The following OSBPL6 variants were observed in gnomAD, a reference collection of about 807,000 sequenced individuals.
OSBPL6 encodes the protein oxysterol binding protein like 6.
OSBPL6 carries 49 observed loss-of-function variants against 125.8 expected under a neutral mutation model. The observed-to-expected ratio is 0.39, with a 90% CI of 0.31 to 0.49. The LOEUF is 0.49. Ranked by LOEUF, OSBPL6 falls within the 20% of genes least tolerant of loss-of-function variation. The pLI, the probability that OSBPL6 is intolerant of heterozygous loss-of-function variation, is 0.88. For missense variants in OSBPL6, 986 were observed against 1,135.4 expected (o/e 0.87, Z 1.89); for synonymous variants, 394 against 391.8 (o/e 1.01, Z -0.07).
intron 3 of OSBPL6, among the ~76,000 whole-genome samples, chr2:178,308,093 G>A (rs955903286): frequency 6.6e-6 from 1 of 152,182 alleles, no homozygotes; most frequent in Non-Finnish European, 1.5e-5. Context: ...TCTTTAAGGA[G>A]AGAGTTTATT....
intron 1 of OSBPL6, among the ~76,000 whole-genome samples, chr2:178,234,912 A>G (rs2090985189): frequency 6.6e-6 from 1 of 152,126 alleles, no homozygotes; most frequent in South Asian, 2.1e-4. Flanking sequence ...TTTCAGAGAG[A>G]TTGGCCTTGG....
chr2:178,241,371 C>T (rs961310904), intron 1 of OSBPL6, among the ~76,000 whole-genome samples: 7 of 151,068 alleles, frequency 4.6e-5, no homozygotes, highest in African/African-American at 1.7e-4. Context: ...CTCGGCCTCC[C>T]AAAGTGATGG....
At chr2:178,255,303 G>GTC (rs2091844866) in intron 1 of OSBPL6, among the ~76,000 whole-genome samples, 1 of 152,176 alleles carries the variant, frequency 6.6e-6, no homozygotes, top group South Asian at 2.1e-4. Flanking sequence ...GCGAGACTCC[G>GTC]TCTCAAAAAC....
intron 1 of OSBPL6, among the ~76,000 whole-genome samples, chr2:178,223,970 C>T: frequency 6.6e-6 from 1 of 152,344 alleles, no homozygotes; most frequent in Middle Eastern, 3.4e-3. Flanking sequence ...CATCTTAGGA[C>T]AATTTGGATT....
chr2:178,226,935 A>G (rs939237179), intron 1 of OSBPL6, among the ~76,000 whole-genome samples: 5 of 152,218 alleles, frequency 3.3e-5, no homozygotes, highest in Non-Finnish European at 7.3e-5. Context: ...TTGAAATTGT[A>G]TGTTGTGTGA....
At chr2:178,361,485 C>T in intron 12 of OSBPL6, among the ~76,000 whole-genome samples, 197 bp from the exon 13 acceptor site, 1 of 152,128 alleles carries the variant, frequency 6.6e-6, no homozygotes, top group Non-Finnish European at 1.5e-5. Flanking sequence ...TCACTCTGAT[C>T]AATTGCCATT....
intron 1 of OSBPL6, among the ~76,000 whole-genome samples, chr2:178,235,156 T>C (rs1224043976): frequency 2.6e-5 from 4 of 152,120 alleles, no homozygotes; most frequent in African/African-American, 9.7e-5. Flanking sequence ...AGAATATATA[T>C]AACAAAAACC....
chr2:178,301,722 T>A (rs1686308028), intron 2 of OSBPL6, among the ~76,000 whole-genome samples: 1 of 152,080 alleles, frequency 6.6e-6, no homozygotes, highest in Admixed American at 6.6e-5. Context: ...CAATAAAACG[T>A]GAGTGAGCTA....
chr2:178,289,573 T>C (rs1224083348), intron 2 of OSBPL6, among the ~76,000 whole-genome samples: 1 of 152,224 alleles, frequency 6.6e-6, no homozygotes, highest in East Asian at 1.9e-4. Flanking sequence ...GAATGATACT[T>C]CTTTGGTATC....
Position 178,328,642 on chromosome 2 carries a change from C to A in OSBPL6, c.318+264C>A, listed in dbSNP as rs191410194. Reference sequence around the variant, plus strand: ...AGCTAGGACTACAGGTGCATGCCACCATGCCTGACTAATTTTTTTATTTTT... The same window carrying A: ...AGCTAGGACTACAGGTGCATGCCACAATGCCTGACTAATTTTTTTATTTTT... On this transcript the variant is annotated intron_variant, in intron 5 of 24. Coordinates refer to ENST00000190611, the MANE Select transcript of OSBPL6 (RefSeq NM_032523.4). Among the ~76,000 whole-genome samples the A allele has an allele frequency of 1.9e-4, 29 of 152,224 alleles. 1 individual carries two copies. The East Asian group carries it at 5.0e-3, about 26-fold the overall frequency.
chr2:178,255,082 T>C (rs1397617862), intron 1 of OSBPL6, among the ~76,000 whole-genome samples: 1 of 152,154 alleles, frequency 6.6e-6, no homozygotes, highest in Non-Finnish European at 1.5e-5. Flanking sequence ...GGTGGGCAGA[T>C]CACCTGAGGT....
At position 178,389,010 on chromosome 2, in the gene OSBPL6, T is replaced by G; in HGVS notation, c.2158T>G (p.Tyr720Asp). The part of the protein sequence containing the change: ...VGTLNVMLPK[Y>D]GDYYVWNKVT... ...CATCAGTGTTACATTCTTCACTAGG[T>G]ATGGAGATTACTATGTGTGGAATAA... Residue 720 changes from tyrosine to aspartate, a missense_variant and splice_region_variant, in exon 21 of 25, where the codon TAT (tyrosine) becomes GAT (aspartate). This residue lies in a region of OSBPL6 where 843 missense variants were observed against 997.3 expected (regional missense o/e 0.85). Coordinates refer to ENST00000190611, the MANE Select transcript of OSBPL6 (RefSeq NM_032523.4). 2 of 1,613,684 alleles carry G rather than the reference T, an allele frequency of 1.2e-6. No individual in the cohort carries two copies. Among genetic ancestry groups the G allele is most frequent in the Non-Finnish European group, 1.7e-6 (2 of 1,179,886 alleles).
At chr2:178,236,458 GTC>G (rs2091055122) in intron 1 of OSBPL6, among the ~76,000 whole-genome samples, 1 of 152,176 alleles carries the variant, frequency 6.6e-6, no homozygotes. Flanking sequence ...TTTTGGGAGA[GTC>G]TGATGTCAGA....
Position 178,306,306 on chromosome 2 carries a change from T to G in OSBPL6, c.102+20T>G. On this transcript the variant is annotated intron_variant, in intron 3 of 24. Coordinates refer to ENST00000190611, the MANE Select transcript of OSBPL6 (RefSeq NM_032523.4). Reference sequence around the variant, plus strand: ...AGGCAGGTAAGAGAAGAGCATTAAGTGCCTTTGGTTGTTTTATGCAAATGC... The same window carrying G: ...AGGCAGGTAAGAGAAGAGCATTAAGGGCCTTTGGTTGTTTTATGCAAATGC... The G allele has an allele frequency of 1.4e-6, 2 of 1,477,074 alleles. No individual in the cohort carries two copies. The highest frequency in any genetic ancestry group is 1.1e-5 in the South Asian group (1 of 88,166). The allele number at this position is 1,477,074 out of a possible 1,614,324, so 91.5% of individuals were successfully genotyped here.
chr2:178,248,348 G>T (rs1158881401), intron 1 of OSBPL6, among the ~76,000 whole-genome samples: 1 of 152,134 alleles, frequency 6.6e-6, no homozygotes, highest in African/African-American at 2.4e-5. Context: ...TTCAGATTTG[G>T]TTGTGGATAT....
chr2:178,198,992 G>A (rs1384492525), intron 1 of OSBPL6, among the ~76,000 whole-genome samples: 1 of 152,148 alleles, frequency 6.6e-6, no homozygotes, highest in Non-Finnish European at 1.5e-5. Flanking sequence ...TGGGTATATT[G>A]TTGGTGTTTA....
chr2:178,199,217 A>G (rs1574457974), intron 1 of OSBPL6, among the ~76,000 whole-genome samples: 3 of 152,240 alleles, frequency 2.0e-5, no homozygotes, highest in African/African-American at 7.2e-5. Flanking sequence ...TCTTAAATCA[A>G]ATGAGAGCTT....
intron 1 of OSBPL6, among the ~76,000 whole-genome samples, chr2:178,258,995 TG>T (rs1284775222): frequency 6.6e-6 from 1 of 152,198 alleles, no homozygotes; most frequent in Admixed American, 6.5e-5. Flanking sequence ...ACCCAAGCTC[TG>T]GCTTCCTCTC....
At chr2:178,194,480 A>G (rs1251098776), upstream of OSBPL6, 2 of 151,988 alleles carry the variant, frequency 1.3e-5, no homozygotes, top group Non-Finnish European at 2.9e-5. Context: ...GCAGCGGACC[A>G]CTGGAGGCGC....
Sources: allele counts gnomAD v4.1 joint callset (sites outside exome capture counted in the v4.1 genomes callset), GRCh38; gene constraint gnomAD v4.1.1; regional missense constraint gnomAD v4.1.1; transcripts MANE v1.5; gene names NCBI Gene and HGNC (gene_info 2026-07-23, HGNC 2026-07-21).